The following PCDH11X variants were observed in gnomAD, a reference collection of about 807,000 sequenced individuals.
The protein encoded by PCDH11X is protocadherin 11 X-linked.
A neutral mutation model predicts 53.3 loss-of-function variants in PCDH11X; 18 were observed. That is an observed-to-expected ratio of 0.34 (90% CI 0.23 to 0.50). The LOEUF (loss-of-function observed/expected upper bound fraction) is 0.50, where lower values mean the gene tolerates loss of function less well. Ranked by LOEUF, PCDH11X falls within the 20% of genes least tolerant of loss-of-function variation. The pLI, the probability that PCDH11X is intolerant of heterozygous loss-of-function variation, is 0.98. For missense variants in PCDH11X, 570 were observed against 1,032.4 expected (o/e 0.55, Z 6.14); for synonymous variants, 279 against 393.3 (o/e 0.71, Z 3.44).
intron 8 of PCDH11X, among the ~76,000 whole-genome samples, chrX:92,309,857 A>G (rs1184786455): frequency 8.9e-6 from 1 of 111,830 alleles, no homozygotes; most frequent in African/African-American, 3.2e-5. Flanking sequence ...AACTACCTGT[A>G]TAGCAGTAAT....
At chrX:92,069,514 A>G (rs2063665970) in intron 6 of PCDH11X, among the ~76,000 whole-genome samples, 2 of 109,696 alleles carry the variant, frequency 1.8e-5, no homozygotes, top group Admixed American at 9.8e-5. Flanking sequence ...CCATTTTGTT[A>G]TTTATTTTCA....
At chrX:92,267,340 A>G (rs1162106807) in intron 8 of PCDH11X, among the ~76,000 whole-genome samples, 1 of 112,309 alleles carries the variant, frequency 8.9e-6, no homozygotes, top group Non-Finnish European at 1.9e-5. Flanking sequence ...AGATTCTCCG[A>G]GGAGTATATT....
chrX:91,854,920 C>T (rs1938241626), intron 5 of PCDH11X, among the ~76,000 whole-genome samples: 1 of 111,421 alleles, frequency 9.0e-6, no homozygotes, highest in African/African-American at 3.3e-5. Context: ...GGGTAGTTTG[C>T]AATATTTTCT....
intron 6 of PCDH11X, among the ~76,000 whole-genome samples, chrX:91,880,946 A>G (rs1939867064): frequency 9.1e-6 from 1 of 110,476 alleles, no homozygotes; most frequent in Non-Finnish European, 1.9e-5. Context: ...ATTTGGGTAT[A>G]ATAACATTTT....
chrX:92,323,119 G>A (rs1449618733), intron 8 of PCDH11X, among the ~76,000 whole-genome samples: 1 of 109,904 alleles, frequency 9.1e-6, no homozygotes, highest in African/African-American at 3.3e-5. Flanking sequence ...ACTTTATAGA[G>A]ATTTAATGGG....
At chrX:92,331,016 T>A (rs1480034473) in intron 8 of PCDH11X, among the ~76,000 whole-genome samples, 1 of 99,710 alleles carries the variant, frequency 1.0e-5, no homozygotes, top group African/African-American at 3.7e-5. Flanking sequence ...TTCATGAGTG[T>A]ATACATACTT....
chrX:92,295,739 T>TTGTGTGTGTG (rs58402010), intron 8 of PCDH11X, among the ~76,000 whole-genome samples: 3 of 71,550 alleles, frequency 4.2e-5, no homozygotes, highest in African/African-American at 1.5e-4. Flanking sequence ...ACAGGTGTGT[T>TTGTGTGTGTG]TGTGTGTGTG....
intron 5 of PCDH11X, among the ~76,000 whole-genome samples, chrX:91,869,654 A>G (rs1319889970): frequency 7.2e-5 from 8 of 111,240 alleles, no homozygotes; most frequent in Non-Finnish European, 1.5e-4. Context: ...TTTGTATTGC[A>G]TATCTTCCCA....
At chrX:91,810,740 G>T (rs1417863743) in intron 3 of PCDH11X, among the ~76,000 whole-genome samples, 162 bp downstream of exon 3, 1 of 112,187 alleles carries the variant, frequency 8.9e-6, no homozygotes, top group African/African-American at 3.2e-5. Context: ...TATATTATGT[G>T]ATTGCCGTTC....
chrX:92,290,562 G>A (rs973478474), intron 8 of PCDH11X, among the ~76,000 whole-genome samples: 33 of 112,283 alleles, frequency 2.9e-4, no homozygotes, highest in African/African-American at 9.1e-4. Context: ...TTGTAGAAGT[G>A]GAAAATCAAG....
chrX:92,040,664 C>T (rs771037611), intron 6 of PCDH11X, among the ~76,000 whole-genome samples: 1 of 110,355 alleles, frequency 9.1e-6, no homozygotes, highest in Non-Finnish European at 1.9e-5. Context: ...TGATTTTTGA[C>T]CTTATGACAT....
At chrX:91,904,606 C>T (rs1444405205) in intron 6 of PCDH11X, among the ~76,000 whole-genome samples, 2 of 110,374 alleles carry the variant, frequency 1.8e-5, no homozygotes, top group East Asian at 5.7e-4. Context: ...ATAATCCTAC[C>T]AACTCAATGA....
At position 92,230,759 on chromosome X, in the gene PCDH11X, C is replaced by T. The variant is rs183126888; in HGVS notation, c.3114+29304C>T. On this transcript the variant is annotated intron_variant, in intron 7 of 10. Coordinates refer to ENST00000682573, the MANE Select transcript of PCDH11X (RefSeq NM_032968.5). Reference sequence around the variant, plus strand: ...CAGATGAAAAGGGATGAAAAGACCACGGAAAGAGGTTGCTAAACAACTTGC... The same window carrying T: ...CAGATGAAAAGGGATGAAAAGACCATGGAAAGAGGTTGCTAAACAACTTGC... Among the ~76,000 whole-genome samples, 88 of 106,946 alleles carry T rather than the reference C, an allele frequency of 8.2e-4. No individual in the cohort carries two copies. The East Asian group carries it at 0.016, about 19-fold the overall frequency. 92.9% of individuals were successfully genotyped at this position (106,946 alleles called of 115,157 possible).
Position 92,518,906 on chromosome X carries a change from G to A in PCDH11X, c.3367+50584G>A, listed in dbSNP as rs1047790384. Among the ~76,000 whole-genome samples the A allele has an allele frequency of 3.7e-5, 4 of 108,305 alleles. No individual in the cohort carries two copies. The East Asian group carries it at 8.7e-4, about 23-fold the overall frequency. 94.0% of individuals were successfully genotyped at this position (108,305 alleles called of 115,157 possible). ...CGAGTAGCTGGGACTACAAGTGCCC[G>A]ACACCACACCCAGCTAATTTTTTTG... On this transcript the variant is annotated intron_variant, in intron 10 of 10. Coordinates refer to ENST00000682573, the MANE Select transcript of PCDH11X (RefSeq NM_032968.5).
At chrX:92,130,505 CA>C (rs1357980943) in intron 6 of PCDH11X, among the ~76,000 whole-genome samples, 7 of 109,432 alleles carry the variant, frequency 6.4e-5, no homozygotes, top group Non-Finnish European at 1.1e-4. Flanking sequence ...CAAAATTAGC[CA>C]GGCATGATGG....
At chrX:92,333,153 A>C (rs1283539612) in intron 8 of PCDH11X, among the ~76,000 whole-genome samples, 1 of 108,881 alleles carries the variant, frequency 9.2e-6, no homozygotes, top group East Asian at 2.9e-4. Flanking sequence ...GAACTTCAAT[A>C]AGTTATGTAA....
intron 9 of PCDH11X, among the ~76,000 whole-genome samples, chrX:92,417,880 A>G (rs1168834234): frequency 2.3e-5 from 2 of 88,585 alleles, no homozygotes; most frequent in African/African-American, 8.5e-5. Context: ...TGATTTCACA[A>G]ACTAGAAGGT....
At chrX:92,266,696 C>T (rs891763833) in intron 8 of PCDH11X, among the ~76,000 whole-genome samples, 1 of 110,638 alleles carries the variant, frequency 9.0e-6, no homozygotes, top group African/African-American at 3.3e-5. Context: ...AAACAAATTT[C>T]AACACATGGC....
In PCDH11X at chrX:92,207,179, A is replaced by G. The variant is rs1204799883; in HGVS notation, c.3114+5724A>G. 8.9e-5 allele frequency among the ~76,000 whole-genome samples: 10 copies of G among 111,915 alleles called. No individual in the cohort carries two copies. In the Admixed American group the frequency reaches 9.6e-4, roughly 11 times the overall value. ...TCTAGGGGCCAATGGGACCAAAAACATTCACTGCAGCAAATATGCTAGCAG... is the reference window on the plus strand; with the variant it reads ...TCTAGGGGCCAATGGGACCAAAAACGTTCACTGCAGCAAATATGCTAGCAG... On this transcript the variant is annotated intron_variant, in intron 7 of 10. Transcript: ENST00000682573.
Sources: gnomAD v4.1 joint callset for allele counts (sites outside exome capture counted in the v4.1 genomes callset) on GRCh38, gnomAD v4.1.1 for gene constraint, MANE v1.5 for transcripts, NCBI Gene and HGNC (gene_info 2026-07-23, HGNC 2026-07-21) for gene names.